The following SPATA16 variants were observed in gnomAD, a reference collection of about 807,000 sequenced individuals.
SPATA16 encodes the protein spermatogenesis associated 16.
SPATA16 carries 36 observed loss-of-function variants against 63.3 expected under a neutral mutation model. The ratio of observed to expected loss-of-function variants is 0.57; its 90% confidence interval spans 0.44 to 0.75. The LOEUF (loss-of-function observed/expected upper bound fraction) is 0.75, where lower values mean the gene tolerates loss of function less well. SPATA16 is among the 30% of genes least tolerant of loss of function. The probability of loss-of-function intolerance (pLI) is 0.00; values close to 1 mark genes in which losing one functional copy is unlikely to be tolerated. For synonymous variants in SPATA16, 203 were observed against 216.7 expected (o/e 0.94, Z 0.56); for missense variants, 646 against 679.3 (o/e 0.95, Z 0.54).
intron 3 of SPATA16, among the ~76,000 whole-genome samples, chr3:173,047,817 A>C (rs555286313): frequency 2.9e-4 from 44 of 152,136 alleles, no homozygotes; most frequent in Non-Finnish European, 5.3e-4. Flanking sequence ...TTTTAATGTC[A>C]AAGAGAATCT....
Position 173,117,180 on chromosome 3 carries a change from G to A in SPATA16, c.552C>T (p.Ser184=), listed in dbSNP as rs1332412712. The A allele has an allele frequency of 1.2e-6, 2 of 1,614,138 alleles. No individual in the cohort carries two copies. Among genetic ancestry groups the A allele is most frequent in the East Asian group, 2.2e-5 (1 of 44,876 alleles). ...KWLQVALKDA[S]SCYRQKKYAL... Reference sequence around the variant, plus strand: ...CGTATTTCTTTTGTCTATAGCAAGAGCTGGCATCCTTTAAGGCTACCTGAA... The same window carrying A: ...CGTATTTCTTTTGTCTATAGCAAGAACTGGCATCCTTTAAGGCTACCTGAA... The change falls in exon 2 of 11, where the codon AGC becomes AGT. Residue 184 remains serine, a synonymous_variant. Coordinates refer to ENST00000351008, the MANE Select transcript of SPATA16 (RefSeq NM_031955.6).
intron 2 of SPATA16, among the ~76,000 whole-genome samples, chr3:173,110,040 T>G (rs550846688): frequency 4.3e-4 from 65 of 152,324 alleles, no homozygotes; most frequent in African/African-American, 1.1e-3. Context: ...TCTTATTTTT[T>G]GGGGTTAAAA....
intron 3 of SPATA16, among the ~76,000 whole-genome samples, chr3:173,019,905 A>G (rs375090352): frequency 1.5e-3 from 221 of 152,024 alleles, no homozygotes; most frequent in African/African-American, 5.0e-3. Context: ...ATGAATTTTT[A>G]TTTCAATAAA....
chr3:173,001,360 C>A (rs1734824510), intron 4 of SPATA16, among the ~76,000 whole-genome samples: 1 of 150,164 alleles, frequency 6.7e-6, no homozygotes, highest in Non-Finnish European at 1.5e-5. Flanking sequence ...AAATTAGGTT[C>A]TAGTAAAACC....
At chr3:173,008,829 A>G (rs1734997613) in intron 4 of SPATA16, among the ~76,000 whole-genome samples, 1 of 152,186 alleles carries the variant, frequency 6.6e-6, no homozygotes, top group Non-Finnish European at 1.5e-5. Context: ...TCATTCCGTG[A>G]CTTTAGCTTT....
chr3:173,063,197 G>A (rs1183264145), intron 2 of SPATA16, among the ~76,000 whole-genome samples: 2 of 152,078 alleles, frequency 1.3e-5, no homozygotes, highest in Non-Finnish European at 2.9e-5. Context: ...GGAAATAATA[G>A]AATATAGGAT....
intron 2 of SPATA16, among the ~76,000 whole-genome samples, chr3:173,054,667 C>T (rs1222000176): frequency 6.6e-6 from 1 of 151,968 alleles, no homozygotes; most frequent in African/African-American, 2.4e-5. Flanking sequence ...ACTTAGAGGA[C>T]ATGGCAATAG....
At chr3:173,077,304 T>C (rs1387983084) in intron 2 of SPATA16, among the ~76,000 whole-genome samples, 7 of 152,170 alleles carry the variant, frequency 4.6e-5, no homozygotes, top group Non-Finnish European at 1.0e-4. Flanking sequence ...TGAAAAATGG[T>C]AGAAGGCAGC....
At chr3:172,965,201 T>C (rs988672849) in intron 5 of SPATA16, among the ~76,000 whole-genome samples, 1 of 152,208 alleles carries the variant, frequency 6.6e-6, no homozygotes, top group African/African-American at 2.4e-5. Context: ...TTCTACAACA[T>C]GGTGAATTTC....
At chr3:173,128,849 A>C (rs7612192) in intron 1 of SPATA16, among the ~76,000 whole-genome samples, 60,936 of 152,192 alleles carry the variant, frequency 0.4, 14,598 homozygotes, top group African/African-American at 0.68. Context: ...TTAGCTTACT[A>C]CAGAGGATAC....
intron 8 of SPATA16, among the ~76,000 whole-genome samples, chr3:172,917,710 A>G (rs1393431234): frequency 1.3e-5 from 2 of 152,228 alleles, no homozygotes; most frequent in Non-Finnish European, 2.9e-5. Context: ...GTTTGCGCAT[A>G]CTTATGAAAC....
chr3:173,072,211 T>C (rs1038860809), intron 2 of SPATA16, among the ~76,000 whole-genome samples: 2 of 152,158 alleles, frequency 1.3e-5, no homozygotes, highest in Admixed American at 6.5e-5. Context: ...GGCACATGTA[T>C]GTCGTGGAAT....
chr3:173,059,933 A>C (rs1736338185), intron 2 of SPATA16, among the ~76,000 whole-genome samples: 1 of 148,848 alleles, frequency 6.7e-6, no homozygotes, highest in African/African-American at 2.5e-5. Context: ...ATGTGGAGGA[A>C]AGTCAGTCTG....
chr3:173,024,224 C>T (rs1735401217), intron 3 of SPATA16, among the ~76,000 whole-genome samples: 1 of 151,460 alleles, frequency 6.6e-6, no homozygotes, highest in Non-Finnish European at 1.5e-5. Flanking sequence ...ATTTTATTTA[C>T]ATCATCTGCA....
intron 2 of SPATA16, among the ~76,000 whole-genome samples, chr3:173,086,737 T>C (rs1177246986): frequency 2.0e-5 from 3 of 152,172 alleles, no homozygotes; most frequent in African/African-American, 7.2e-5. Flanking sequence ...GTACACTGTC[T>C]CTTTGTTCTC....
At chr3:172,978,163 A>C (rs55639037) in intron 4 of SPATA16, among the ~76,000 whole-genome samples, 29,313 of 146,552 alleles carry the variant, frequency 0.2, 2,709 homozygotes, top group Admixed American at 0.27. Flanking sequence ...CTCTCTCTCT[A>C]TATATATATA....
At chr3:173,052,672 T>G (rs923799581) in intron 2 of SPATA16, among the ~76,000 whole-genome samples, 1 of 152,224 alleles carries the variant, frequency 6.6e-6, no homozygotes, top group Non-Finnish European at 1.5e-5. Context: ...ATTTTAACAT[T>G]TCCATATAGA....
chr3:173,015,861 GGTGTGTGTGTGTGTGTGTGT>G (rs57049586), intron 4 of SPATA16, among the ~76,000 whole-genome samples: 2 of 148,750 alleles, frequency 1.3e-5, no homozygotes, highest in African/African-American at 4.9e-5. Context: ...TCCCAAATGG[GGTGTGTGTGTGTGTGTGTGT>G]GTGTGTGTGT....
intron 1 of SPATA16, among the ~76,000 whole-genome samples, chr3:173,124,620 C>A (rs570686637): frequency 3.9e-5 from 6 of 152,178 alleles, no homozygotes; most frequent in Non-Finnish European, 5.9e-5. Flanking sequence ...ACAACAACAA[C>A]AAAAAACTCC....
Sources: allele counts gnomAD v4.1 joint callset (sites outside exome capture counted in the v4.1 genomes callset), GRCh38; gene constraint gnomAD v4.1.1; transcripts MANE v1.5; gene names NCBI Gene and HGNC (gene_info 2026-07-23, HGNC 2026-07-21).